EPB41: variants seen among roughly 807,000 people sequenced by gnomAD.
EPB41 encodes protein 4.1.
Under a neutral mutation model 108.0 loss-of-function variants are expected in EPB41, and 65 were observed. The observed-to-expected ratio is 0.60, with a 90% confidence interval of 0.49 to 0.74. EPB41 has a LOEUF of 0.74. EPB41 is among the 30% of genes least tolerant of loss of function. The pLI, the probability that EPB41 is intolerant of heterozygous loss-of-function variation, is 0.00. For synonymous variants in EPB41, 336 were observed against 358.9 expected, an observed-to-expected ratio of 0.94 and a Z score of 0.72; for missense variants, 875 against 1,037.0, an observed-to-expected ratio of 0.84 and a Z score of 2.15.
intron 1 of EPB41, among the ~76,000 whole-genome samples, chr1:28,908,782 T>C (rs541338445): frequency 6.6e-6 from 1 of 152,048 alleles, no homozygotes; most frequent in South Asian, 2.1e-4. Flanking sequence ...TGTCCAATAG[T>C]AGGATTAACT....
intron 18 of EPB41, among the ~76,000 whole-genome samples, chr1:29,110,591 A>G (rs2151695555): frequency 6.6e-6 from 1 of 152,328 alleles, no homozygotes; most frequent in South Asian, 2.1e-4. Context: ...CCAGAAAATC[A>G]GAGGCAATCG....
At chr1:29,068,756 C>T in intron 16 of EPB41, 1 of 1,232,112 alleles carries the variant, frequency 8.1e-7, no homozygotes, top group Non-Finnish European at 1.0e-6. Flanking sequence ...CTGTCCTACC[C>T]TCGGAAAGAA....
intron 1 of EPB41, among the ~76,000 whole-genome samples, chr1:28,916,859 C>T (rs768606183): frequency 5.0e-4 from 76 of 151,756 alleles, no homozygotes; most frequent in Non-Finnish European, 9.1e-4. Context: ...GGCATGATCA[C>T]GGCTCACTGC....
intron 7 of EPB41, among the ~76,000 whole-genome samples, chr1:29,027,072 A>G (rs2096728215): frequency 6.6e-6 from 1 of 151,490 alleles, no homozygotes; most frequent in Non-Finnish European, 1.5e-5. Flanking sequence ...AGCCTGGGCA[A>G]CGGAGTGGGA....
At chr1:29,069,196 C>T (rs578145868) in intron 16 of EPB41, 2 of 1,231,442 alleles carry the variant, frequency 1.6e-6, no homozygotes, top group East Asian at 3.2e-5. Flanking sequence ...TGATACATAT[C>T]ACTTAGGGGT....
At chr1:29,053,436 C>G in intron 12 of EPB41, 124 bp downstream of exon 12, 2 of 1,036,654 alleles carry the variant, frequency 1.9e-6, no homozygotes, top group Non-Finnish European at 1.5e-6. Context: ...ATTCTTCATT[C>G]TTTCTAAATG....
At chr1:29,058,469 A>T in intron 12 of EPB41, 120 bp from the exon 13 acceptor site, 1 of 869,216 alleles carries the variant, frequency 1.2e-6, no homozygotes, top group Middle Eastern at 3.0e-4. Context: ...CTGCATCATG[A>T]TGATTACGTA....
intron 1 of EPB41, among the ~76,000 whole-genome samples, chr1:28,943,499 A>T (rs1401123476): frequency 1.3e-5 from 2 of 152,110 alleles, no homozygotes; most frequent in Non-Finnish European, 2.9e-5. Flanking sequence ...CTAAAAAATT[A>T]AAAAATTAGC....
At chr1:28,900,667 G>C (rs116552061) in intron 1 of EPB41, among the ~76,000 whole-genome samples, 3 of 151,992 alleles carry the variant, frequency 2.0e-5, no homozygotes, top group African/African-American at 7.2e-5. Context: ...GTTACCTCCC[G>C]GGCTGTCCTG....
In EPB41 at chr1:28,924,964, C is replaced by CT. The variant is rs879448208; in HGVS notation, c.-8+10215dup. On this transcript the variant is annotated intron_variant, in intron 1 of 20. Coordinates refer to ENST00000343067, the MANE Select transcript of EPB41 (RefSeq NM_001376013.1). ...GGCACACACCACTATGCCTGGCTAA[C>CT]TTTTTTTTTTTTTTTTTTTGAGATG... 4.2e-3 allele frequency among the ~76,000 whole-genome samples: 544 copies of CT among 128,318 alleles called. 3 individuals carry two copies. Among genetic ancestry groups the CT allele is most frequent in the African/African-American group, 7.8e-3 (272 of 34,748 alleles). The allele number at this position is 128,318 out of a possible 152,430, so 84.2% of individuals were successfully genotyped here.
intron 12 of EPB41, among the ~76,000 whole-genome samples, chr1:29,055,755 C>T (rs1435399018): frequency 6.6e-6 from 1 of 150,700 alleles, no homozygotes; most frequent in Admixed American, 6.6e-5. Flanking sequence ...TGGCAAAACC[C>T]CGTCTTTACT....
intron 1 of EPB41, among the ~76,000 whole-genome samples, chr1:28,959,284 T>C (rs1026970868): frequency 2.0e-5 from 3 of 148,586 alleles, no homozygotes; most frequent in Admixed American, 6.9e-5. Context: ...TGGTGCAATA[T>C]TGGCTCACTA....
intron 10 of EPB41, among the ~76,000 whole-genome samples, chr1:29,037,955 T>C (rs977443121): frequency 6.6e-6 from 1 of 152,308 alleles, no homozygotes; most frequent in South Asian, 2.1e-4. Flanking sequence ...GCCAATCTTG[T>C]TTCTTCTATA....
At chr1:28,923,395 A>G (rs886263742) in intron 1 of EPB41, among the ~76,000 whole-genome samples, 18 of 151,906 alleles carry the variant, frequency 1.2e-4, no homozygotes, top group Admixed American at 1.1e-3. Context: ...GCGCTTGGCA[A>G]CCTTTTTATT....
intron 7 of EPB41, among the ~76,000 whole-genome samples, chr1:29,025,236 A>G (rs1443994906): frequency 6.6e-6 from 1 of 152,100 alleles, no homozygotes. Context: ...CTTTGAAATC[A>G]CAATCCTTAA....
intron 11 of EPB41, among the ~76,000 whole-genome samples, chr1:29,040,783 G>T (rs935684088): frequency 6.6e-6 from 1 of 152,132 alleles, no homozygotes; most frequent in African/African-American, 2.4e-5. Flanking sequence ...GCCCATTACT[G>T]AAACGAGGTA....
intron 1 of EPB41, among the ~76,000 whole-genome samples, chr1:28,909,460 C>T (rs369069318): frequency 1.3e-5 from 2 of 150,820 alleles, no homozygotes; most frequent in African/African-American, 2.4e-5. Flanking sequence ...AGAGTGAGAC[C>T]CTATATCTTG....
At chr1:29,001,519 TC>T (rs2096293087) in intron 4 of EPB41, among the ~76,000 whole-genome samples, 1 of 152,198 alleles carries the variant, frequency 6.6e-6, no homozygotes. Flanking sequence ...AGAGTGCTAC[TC>T]CTCAGAAATG....
chr1:28,949,959 T>C (rs2094643329), intron 1 of EPB41, among the ~76,000 whole-genome samples: 2 of 152,206 alleles, frequency 1.3e-5, no homozygotes, highest in South Asian at 4.1e-4. Context: ...TCAGTTAATT[T>C]ACTTTTACTG....
Sources: gnomAD v4.1 joint callset for allele counts (sites outside exome capture counted in the v4.1 genomes callset) on GRCh38, gnomAD v4.1.1 for gene constraint, MANE v1.5 for transcripts, NCBI Gene and HGNC (gene_info 2026-07-23, HGNC 2026-07-21) for gene names.